NEGR1: variants seen among roughly 807,000 people sequenced by gnomAD.
NEGR1 encodes the protein neuronal growth regulator 1.
In NEGR1, 10 loss-of-function variants were observed where a neutral mutation model predicts 40.9. The observed-to-expected ratio is 0.24, with a 90% CI of 0.15 to 0.42. The LOEUF is 0.42. Ranked by LOEUF, NEGR1 falls within the 10% of genes least tolerant of loss-of-function variation. The pLI is 1.00. For synonymous variants in NEGR1, 185 were observed against 166.8 expected (o/e 1.11, Z -0.84); for missense variants, 352 against 438.9 (o/e 0.80, Z 1.77).
At chr1:71,784,429 T>C (rs573007429) in intron 2 of NEGR1, among the ~76,000 whole-genome samples, 6 of 152,172 alleles carry the variant, frequency 3.9e-5, no homozygotes, top group African/African-American at 1.4e-4. Context: ...CAAGAAATGA[T>C]GACTTATTAA....
intron 2 of NEGR1, among the ~76,000 whole-genome samples, chr1:71,932,631 A>G (rs1645866394): frequency 6.6e-6 from 1 of 152,104 alleles, no homozygotes; most frequent in African/African-American, 2.4e-5. Flanking sequence ...GAGTACATGC[A>G]ACAATTGAAG....
chr1:71,965,614 C>T (rs1385750583), intron 1 of NEGR1, among the ~76,000 whole-genome samples: 1 of 152,088 alleles, frequency 6.6e-6, no homozygotes, highest in Non-Finnish European at 1.5e-5. Flanking sequence ...CTGGTTTGCA[C>T]CTCTACCAAT....
intron 1 of NEGR1, among the ~76,000 whole-genome samples, chr1:72,002,145 G>T (rs1422068205): frequency 6.6e-6 from 1 of 151,842 alleles, no homozygotes; most frequent in African/African-American, 2.4e-5. Flanking sequence ...AAACGGCTTT[G>T]GAAGAACATT....
chr1:72,051,061 A>G (rs1455819906), intron 1 of NEGR1, among the ~76,000 whole-genome samples: 1 of 151,468 alleles, frequency 6.6e-6, no homozygotes, highest in East Asian at 1.9e-4. Flanking sequence ...TTAAAATCCT[A>G]CATGCACTTA....
chr1:72,224,380 G>T (rs1357019458), intron 1 of NEGR1, among the ~76,000 whole-genome samples: 1 of 151,732 alleles, frequency 6.6e-6, no homozygotes. Context: ...GAAAGTGAAG[G>T]ATGCTATTAA....
In NEGR1 at chr1:71,448,233, GA is replaced by G. The variant is rs11413345; in HGVS notation, c.941-40664del. 6.3e-4 allele frequency among the ~76,000 whole-genome samples: 92 copies of G among 146,586 alleles called. 1 individual carries two copies. The highest frequency in any genetic ancestry group is 1.9e-3 in the African/African-American group (76 of 40,020). On this transcript the variant is annotated intron_variant, in intron 6 of 6. Coordinates refer to ENST00000357731, the MANE Select transcript of NEGR1 (RefSeq NM_173808.3). ...ACTACTTGAAGTACCTTCTCTGAGA[GA>G]AAAAAAAAAAAGACACAGAGAGAGA...
intron 6 of NEGR1, among the ~76,000 whole-genome samples, chr1:71,500,693 T>C (rs543803785): frequency 6.6e-6 from 1 of 152,150 alleles, no homozygotes; most frequent in South Asian, 2.1e-4. Context: ...CCATGGAGGA[T>C]TGGATTGAGG....
chr1:72,200,994 T>C (rs1278595613), intron 1 of NEGR1, among the ~76,000 whole-genome samples: 4 of 151,882 alleles, frequency 2.6e-5, no homozygotes, highest in African/African-American at 9.7e-5. Context: ...ATTCTCCTTA[T>C]ATACTATTAT....
intron 4 of NEGR1, among the ~76,000 whole-genome samples, chr1:71,668,873 C>A (rs1362880978): frequency 1.3e-5 from 2 of 152,072 alleles, no homozygotes; most frequent in South Asian, 2.1e-4. Flanking sequence ...GTCTGCTTGG[C>A]GTGAGCTAAC....
intron 3 of NEGR1, among the ~76,000 whole-genome samples, chr1:71,717,709 C>T (rs897537614): frequency 3.9e-5 from 6 of 152,114 alleles, no homozygotes; most frequent in African/African-American, 1.4e-4. Flanking sequence ...TGTTAAAGTC[C>T]TAAAGCCCAG....
intron 3 of NEGR1, among the ~76,000 whole-genome samples, chr1:71,760,302 A>C (rs571593075): frequency 1.3e-5 from 2 of 152,318 alleles, no homozygotes; most frequent in East Asian, 3.9e-4. Context: ...TATGTGTCTT[A>C]AAATACTAGA....
At chr1:71,750,155 G>A (rs1048684083) in intron 3 of NEGR1, among the ~76,000 whole-genome samples, 22 of 151,874 alleles carry the variant, frequency 1.4e-4, no homozygotes, top group South Asian at 2.1e-4. Context: ...CACCGCGCCC[G>A]GCTAATTTTT....
At chr1:71,642,603 G>T (rs868588805) in intron 4 of NEGR1, among the ~76,000 whole-genome samples, 2 of 151,474 alleles carry the variant, frequency 1.3e-5, no homozygotes, top group Non-Finnish European at 2.9e-5. Context: ...TTCAATAAAG[G>T]ACTATGCAGT....
intron 1 of NEGR1, among the ~76,000 whole-genome samples, chr1:72,126,583 GT>G (rs1453908241): frequency 6.6e-6 from 1 of 152,108 alleles, no homozygotes; most frequent in Admixed American, 6.5e-5. Context: ...CTTTGGGACA[GT>G]TTTTCACCAT....
At chr1:72,262,535 T>C (rs1471421708) in intron 1 of NEGR1, among the ~76,000 whole-genome samples, 1 of 152,020 alleles carries the variant, frequency 6.6e-6, no homozygotes, top group Non-Finnish European at 1.5e-5. Context: ...TCGTTTTTGT[T>C]TTTTCTAGTG....
intron 1 of NEGR1, among the ~76,000 whole-genome samples, chr1:72,083,396 G>A (rs978518314): frequency 2.6e-5 from 4 of 151,614 alleles, no homozygotes; most frequent in Admixed American, 2.0e-4. Context: ...TTCCCAGGCC[G>A]GAATGCAGTG....
chr1:72,184,213 C>G (rs1486127896), intron 1 of NEGR1, among the ~76,000 whole-genome samples: 1 of 152,034 alleles, frequency 6.6e-6, no homozygotes, highest in Non-Finnish European at 1.5e-5. Flanking sequence ...ATAAAAGAAA[C>G]AGAGAGTAAG....
chr1:71,805,949 A>T (rs535450654), intron 2 of NEGR1, among the ~76,000 whole-genome samples: 2 of 152,236 alleles, frequency 1.3e-5, no homozygotes, highest in East Asian at 3.9e-4. Context: ...TAAGGATTTC[A>T]ATCTATTAAC....
intron 6 of NEGR1, among the ~76,000 whole-genome samples, chr1:71,469,539 G>A (rs1176336617): frequency 6.6e-6 from 1 of 151,974 alleles, no homozygotes; most frequent in Non-Finnish European, 1.5e-5. Context: ...GCAATAAGCT[G>A]AATTAGGATT....
Sources: gnomAD v4.1 joint callset for allele counts (sites outside exome capture counted in the v4.1 genomes callset) on GRCh38, gnomAD v4.1.1 for gene constraint, MANE v1.5 for transcripts, NCBI Gene and HGNC (gene_info 2026-07-23, HGNC 2026-07-21) for gene names.